KLF12: variants seen among roughly 807,000 people sequenced by gnomAD.
KLF12 encodes Krueppel-like factor 12.
Under a neutral mutation model 37.8 loss-of-function variants are expected in KLF12, and 9 were observed. The ratio of observed to expected loss-of-function variants is 0.24; its 90% CI spans 0.14 to 0.42. The LOEUF (loss-of-function observed/expected upper bound fraction) is 0.42, where lower values mean the gene tolerates loss of function less well. Among genes scored for constraint, KLF12 ranks in the 10% least tolerant of loss-of-function variants. The probability of loss-of-function intolerance (pLI) is 1.00; values close to 1 mark genes in which losing one functional copy is unlikely to be tolerated. For synonymous variants in KLF12, 208 were observed against 202.1 expected (o/e 1.03, Z -0.25); for missense variants, 411 against 516.0 (o/e 0.80, Z 1.97).
chr13:73,964,362 T>C lies in KLF12; in HGVS notation c.34-20292A>G, dbSNP rs557616897. Among the ~76,000 whole-genome samples the C allele has an allele frequency of 6.6e-5, 10 of 152,306 alleles. No individual in the cohort carries two copies. The South Asian group carries it at 1.5e-3, about 22-fold the overall frequency. On this transcript the variant is annotated intron_variant, in intron 2 of 7. Coordinates refer to ENST00000377669, the MANE Select transcript of KLF12 (RefSeq NM_007249.5). Reference sequence around the variant, plus strand: ...ATTGATCTTTGCATCTCCCATTGTTTACAGAATAGCTCACAGAACACAGAA... The same window carrying C: ...ATTGATCTTTGCATCTCCCATTGTTCACAGAATAGCTCACAGAACACAGAA...
At chr13:73,794,196 C>T (rs1881837673) in intron 5 of KLF12, among the ~76,000 whole-genome samples, 1 of 152,252 alleles carries the variant, frequency 6.6e-6, no homozygotes, top group Admixed American at 6.5e-5. Context: ...TGTGATGGCT[C>T]ATGCCTGTAA....
At chr13:74,088,523 G>A (rs1343941092) in intron 1 of KLF12, among the ~76,000 whole-genome samples, 1 of 152,220 alleles carries the variant, frequency 6.6e-6, no homozygotes, top group African/African-American at 2.4e-5. Flanking sequence ...CCACCGTGCC[G>A]AGCCCTAGAT....
rs1341410294 is a variant in KLF12 at position 73,848,581 on chromosome 13, G to C, written c.124-2208C>G. Among the ~76,000 whole-genome samples, 4 of 147,384 alleles carry C rather than the reference G, an allele frequency of 2.7e-5. No homozygotes were observed. In the East Asian group the frequency reaches 5.9e-4, roughly 22 times the overall value. ...ATATAATATATATAACATATATATA[G>C]CATATTATATATAATACATATAGCA... On this transcript the variant is annotated intron_variant, in intron 3 of 7. Transcript: ENST00000377669.
chr13:73,954,937 CAT>C (rs1185450661), intron 2 of KLF12, among the ~76,000 whole-genome samples: 1 of 152,112 alleles, frequency 6.6e-6, no homozygotes, highest in East Asian at 1.9e-4. Context: ...TTCATTATTG[CAT>C]AGAGTACAAG....
rs11378919 is a variant in KLF12 at position 74,047,435 on chromosome 13, C to CAAA, written c.-31-52385_-31-52383dup. ...CGAAACCCCGTCTCTACTAAAAATA[C>CAAA]AAAAAAAAAAAATTAGCCAGGCGTG... On this transcript the variant is annotated intron_variant, in intron 1 of 7. Transcript: ENST00000377669. Among the ~76,000 whole-genome samples the CAAA allele has an allele frequency of 1.8e-3, 263 of 146,202 alleles. 5 individuals are homozygous for CAAA. The highest frequency in any genetic ancestry group is 0.013 in the Admixed American group (194 of 14,738).
intron 2 of KLF12, among the ~76,000 whole-genome samples, chr13:73,979,953 C>T (rs547647619): frequency 6.6e-6 from 1 of 152,080 alleles, no homozygotes; most frequent in African/African-American, 2.4e-5. Context: ...AAAAAGACCA[C>T]GTGAAGGCAC....
the KLF12 span, among the ~76,000 whole-genome samples, chr13:74,223,586 A>G: frequency 6.6e-6 from 1 of 152,190 alleles, no homozygotes; most frequent in Non-Finnish European, 1.5e-5. Flanking sequence ...TCCCAGGGAT[A>G]TGACCTGAAT....
intron 6 of KLF12, among the ~76,000 whole-genome samples, chr13:73,759,754 A>C (rs1879426844): frequency 6.6e-6 from 1 of 152,114 alleles, no homozygotes; most frequent in African/African-American, 2.4e-5. Flanking sequence ...AAGGAGGTTG[A>C]ACTGCGCTTG....
intron 1 of KLF12, among the ~76,000 whole-genome samples, chr13:74,067,819 A>G (rs1217904557): frequency 6.6e-6 from 1 of 152,254 alleles, no homozygotes; most frequent in East Asian, 1.9e-4. Context: ...TAACATTTTT[A>G]TAAATGATGT....
At chr13:73,818,227 C>T (rs1161965774) in intron 4 of KLF12, among the ~76,000 whole-genome samples, 1 of 152,222 alleles carries the variant, frequency 6.6e-6, no homozygotes, top group Non-Finnish European at 1.5e-5. Flanking sequence ...CTCACTGCAA[C>T]CTCCGCCTCC....
intron 6 of KLF12, among the ~76,000 whole-genome samples, chr13:73,743,223 C>T (rs1298480650): frequency 6.6e-6 from 1 of 152,160 alleles, no homozygotes; most frequent in Non-Finnish European, 1.5e-5. Context: ...CTGGGCTGCA[C>T]TCTATTTCCA....
At chr13:73,848,541 T>C (rs2138704811) in intron 3 of KLF12, among the ~76,000 whole-genome samples, 1 of 148,408 alleles carries the variant, frequency 6.7e-6, no homozygotes, top group South Asian at 2.1e-4. Flanking sequence ...ATAAATAATA[T>C]TAGCTATATA....
the KLF12 span, among the ~76,000 whole-genome samples, chr13:74,213,144 A>G: frequency 6.6e-6 from 1 of 152,194 alleles, no homozygotes; most frequent in Non-Finnish European, 1.5e-5. Flanking sequence ...TTTATCTTAT[A>G]TTACTTTTTA....
intron 2 of KLF12, among the ~76,000 whole-genome samples, chr13:73,966,598 T>C (rs919858159): frequency 1.3e-5 from 2 of 152,102 alleles, no homozygotes; most frequent in Non-Finnish European, 2.9e-5. Context: ...CTCTTGTAGC[T>C]CCATGTGCAA....
intron 4 of KLF12, among the ~76,000 whole-genome samples, chr13:73,840,905 C>T (rs566075843): frequency 1.3e-5 from 2 of 152,202 alleles, no homozygotes; most frequent in East Asian, 3.9e-4. Flanking sequence ...CTCACTCATG[C>T]CTCAGAGTCT....
chr13:74,199,812 CA>C, the KLF12 span, among the ~76,000 whole-genome samples: 14 of 151,920 alleles, frequency 9.2e-5, no homozygotes, highest in Admixed American at 5.9e-4. Flanking sequence ...CTGGGCTTCC[CA>C]AAAAAATGGG....
intron 1 of KLF12, among the ~76,000 whole-genome samples, chr13:74,009,586 G>C (rs1892497081): frequency 6.6e-6 from 1 of 152,168 alleles, no homozygotes; most frequent in African/African-American, 2.4e-5. Context: ...GGGTTTTAGG[G>C]GAACAAGAGA....
intron 3 of KLF12, among the ~76,000 whole-genome samples, chr13:73,866,735 T>C (rs1265906954): frequency 2.0e-5 from 3 of 151,614 alleles, no homozygotes; most frequent in Non-Finnish European, 2.9e-5. Context: ...ATCCCTAATA[T>C]AGAAATATGG....
intron 1 of KLF12, among the ~76,000 whole-genome samples, chr13:74,116,691 A>C (rs1399418861): frequency 6.6e-6 from 1 of 152,216 alleles, no homozygotes; most frequent in Non-Finnish European, 1.5e-5. Flanking sequence ...GGAAACTAGG[A>C]TAGAAATTTC....
Sources: allele counts gnomAD v4.1 joint callset (sites outside exome capture counted in the v4.1 genomes callset), GRCh38; gene constraint gnomAD v4.1.1; transcripts MANE v1.5; gene names NCBI Gene and HGNC (gene_info 2026-07-23, HGNC 2026-07-21).